PCDHA10: variants seen among roughly 807,000 people sequenced by gnomAD.
The protein encoded by PCDHA10 is protocadherin alpha-10.
PCDHA10 carries 45 observed loss-of-function variants against 61.2 expected under a neutral mutation model. That is an observed-to-expected ratio of 0.74 (90% confidence interval 0.58 to 0.94). PCDHA10 has a LOEUF of 0.94. PCDHA10 is among the 40% of genes least tolerant of loss of function. PCDHA10 has a pLI of 0.00. For missense variants in PCDHA10, 1,278 were observed against 1,236.2 expected (o/e 1.03, Z -0.51); for synonymous variants, 602 against 548.8 (o/e 1.10, Z -1.35).
At chr5:140,876,558 T>C in intron 1 of PCDHA10, 1 of 1,614,216 alleles carries the variant, frequency 6.2e-7, no homozygotes, top group Non-Finnish European at 8.5e-7. Flanking sequence ...TGCAAGAGGA[T>C]GCTCAGGTGG....
At chr5:140,884,446 G>C in intron 1 of PCDHA10, 1 of 1,613,770 alleles carries the variant, frequency 6.2e-7, no homozygotes, top group Non-Finnish European at 8.5e-7. Context: ...GCTCGGCACC[G>C]CCCACCGAGG....
rs199928168 is a variant in PCDHA10, at chr5:141,009,915, C to T, written c.2825C>T (p.Thr942Met). The part of the protein sequence containing the change: ...TQEKKEKGNS[T>M]TDNSDQ The stretch of plus-strand genomic sequence containing the variant: ...GAGAAAAAAGAGAAAGGGAACAGCA[C>T]GACTGACAACAGTGACCAGTGAGGT... The change falls in exon 4 of 4, where the codon ACG becomes ATG. Residue 942 changes from threonine to methionine, a missense_variant. Physicochemically the swap from Thr to Met is moderately conservative, Grantham distance 81. Coordinates refer to ENST00000307360, the MANE Select transcript of PCDHA10 (RefSeq NM_018901.4). The T allele has an allele frequency of 9.0e-4, 1,448 of 1,611,544 alleles. 2 individuals carry two copies. Among genetic ancestry groups the T allele is most frequent in the Admixed American group, 3.7e-3 (222 of 59,324 alleles).
chr5:140,919,609 CT>C (rs2079218169), intron 1 of PCDHA10, among the ~76,000 whole-genome samples: 2 of 151,908 alleles, frequency 1.3e-5, no homozygotes, highest in South Asian at 4.1e-4. Flanking sequence ...AAATTTTAAA[CT>C]GTATCTTTTG....
chr5:140,922,830 A>G (rs2081013341), intron 1 of PCDHA10, among the ~76,000 whole-genome samples: 1 of 152,264 alleles, frequency 6.6e-6, no homozygotes, highest in Admixed American at 6.5e-5. Context: ...TACTGCTAAT[A>G]GATGTCCTCA....
chr5:140,872,729 A>T (rs578008508), intron 1 of PCDHA10, among the ~76,000 whole-genome samples: 15 of 152,366 alleles, frequency 9.8e-5, no homozygotes, highest in African/African-American at 3.6e-4. Flanking sequence ...AAATTATTCA[A>T]ATTATCTAAA....
intron 1 of PCDHA10, among the ~76,000 whole-genome samples, chr5:140,939,514 A>G (rs1280466076): frequency 2.0e-5 from 3 of 152,236 alleles, no homozygotes; most frequent in African/African-American, 7.2e-5. Flanking sequence ...TATAACATTA[A>G]TAGTTATAGA....
chr5:140,891,667 A>T (rs2153435107), intron 1 of PCDHA10, among the ~76,000 whole-genome samples: 1 of 152,286 alleles, frequency 6.6e-6, no homozygotes, highest in African/African-American at 2.4e-5. Flanking sequence ...CCCACCTTAA[A>T]GTTTAATAAT....
At chr5:141,000,415 A>AT (rs1563651650) in intron 3 of PCDHA10, among the ~76,000 whole-genome samples, 6 of 87,394 alleles carry the variant, frequency 6.9e-5, no homozygotes, top group African/African-American at 1.5e-4. Flanking sequence ...ATATATATAT[A>AT]TATATATTTT....
At chr5:140,881,559 C>G (rs1293330721) in intron 1 of PCDHA10, among the ~76,000 whole-genome samples, 2 of 152,174 alleles carry the variant, frequency 1.3e-5, no homozygotes, top group Admixed American at 6.5e-5. Context: ...ATATAAATAT[C>G]TTATCTACAT....
rs554073823 is a variant in PCDHA10 at position 140,945,407 on chromosome 5, T to C, written c.2389-33542T>C. Among the ~76,000 whole-genome samples, 498 of 152,246 alleles carry C rather than the reference T, an allele frequency of 3.3e-3. 2 individuals carry two copies. Among genetic ancestry groups the C allele is most frequent in the African/African-American group, 0.011 (476 of 41,568 alleles). ...CAATATACAAATTCAATACAATTCG[T>C]ATCAAAATTTCAATGAAGTTTTTAC... On this transcript the variant is annotated intron_variant, in intron 1 of 3. Coordinates refer to ENST00000307360, the MANE Select transcript of PCDHA10 (RefSeq NM_018901.4).
At chr5:140,965,496 ATTTTTT>A (rs71766133) in intron 1 of PCDHA10, among the ~76,000 whole-genome samples, 2 of 146,442 alleles carry the variant, frequency 1.4e-5, no homozygotes, top group African/African-American at 2.5e-5. Flanking sequence ...ATGACAGCAG[ATTTTTT>A]TTTTTTTTTA....
chr5:140,859,463 A>C (rs1189832254), intron 1 of PCDHA10: 1 of 215,224 alleles, frequency 4.6e-6, no homozygotes, highest in African/African-American at 2.3e-5. Context: ...ACAAAACTAC[A>C]CTATCAATTG....
chr5:140,948,912 C>A (rs1038670333), intron 1 of PCDHA10, among the ~76,000 whole-genome samples: 1 of 150,924 alleles, frequency 6.6e-6, no homozygotes, highest in Non-Finnish European at 1.5e-5. Context: ...TCTTAGGTAA[C>A]TGATTAGGTA....
intron 1 of PCDHA10, chr5:140,871,583 T>C (rs782012993): frequency 2.0e-6 from 3 of 1,468,262 alleles, no homozygotes; most frequent in Non-Finnish European, 9.0e-7. Flanking sequence ...TAAGGGAAAG[T>C]TTTATGAATA....
chr5:140,930,037 GC>G (rs2086548182), intron 1 of PCDHA10: 6 of 152,140 alleles, frequency 3.9e-5, no homozygotes, highest in African/African-American at 1.4e-4. Flanking sequence ...TTTTGTAACT[GC>G]TTTGGAGTTT....
intron 1 of PCDHA10, chr5:140,882,622 T>C (rs782369081): frequency 1.1e-4 from 185 of 1,614,060 alleles, no homozygotes; most frequent in Non-Finnish European, 1.5e-4. Context: ...AGGTTTTCCA[T>C]GTGGAGGTGA....
chr5:140,936,868 A>T (rs543976186), intron 1 of PCDHA10, among the ~76,000 whole-genome samples: 3 of 152,270 alleles, frequency 2.0e-5, no homozygotes, highest in South Asian at 2.1e-4. Flanking sequence ...TTTCTATTTT[A>T]AAAAACCCTG....
chr5:140,883,606 C>T (rs782093980), intron 1 of PCDHA10: 1 of 1,613,942 alleles, frequency 6.2e-7, no homozygotes, highest in South Asian at 1.1e-5. Flanking sequence ...TGGGGGTGGC[C>T]GACGTGAACG....
At chr5:140,927,376 A>G (rs1554204440) in intron 1 of PCDHA10, 13 of 1,614,094 alleles carry the variant, frequency 8.1e-6, no homozygotes, top group East Asian at 2.2e-5. Context: ...ACTAAGCTAC[A>G]GCCTAAGCCC....
Sources: allele counts gnomAD v4.1 joint callset (sites outside exome capture counted in the v4.1 genomes callset), GRCh38; gene constraint gnomAD v4.1.1; transcripts MANE v1.5; gene names NCBI Gene and HGNC (gene_info 2026-07-23, HGNC 2026-07-21).